Variants in SOX13 observed in about 807,000 individuals in gnomAD.
SOX13 encodes transcription factor SOX-13.
SOX13 carries 28 observed loss-of-function variants against 71.8 expected under a neutral mutation model. The ratio of observed to expected loss-of-function variants is 0.39; its 90% CI spans 0.29 to 0.53. The LOEUF is 0.53. Among genes scored for constraint, SOX13 ranks in the 20% least tolerant of loss-of-function variants. The pLI is 0.70. For synonymous variants in SOX13, 309 were observed against 317.8 expected, an observed-to-expected ratio of 0.97 and a Z score of 0.29; for missense variants, 627 against 810.3, an observed-to-expected ratio of 0.77 and a Z score of 2.75.
chr1:204,078,464 AG>A (rs1340363109), intron 1 of SOX13, among the ~76,000 whole-genome samples: 3 of 152,178 alleles, frequency 2.0e-5, no homozygotes, highest in African/African-American at 7.2e-5. Context: ...GTGTTTGAAA[AG>A]GGCTCTGTGC....
In SOX13 at chr1:204,081,182, G is replaced by A. The variant is rs1655898980; in HGVS notation, c.-2+7471G>A. On this transcript the variant is annotated intron_variant, in intron 1 of 13. Transcript: ENST00000367204. The surrounding 1 kb of genome is among the most constrained non-coding windows in gnomAD (Gnocchi z 4.3). ...CCTGCTTTGGCCTCCCGAAGTGCTG[G>A]GATTACAGGCATGAGCCACCACTCC... Among the ~76,000 whole-genome samples the A allele has an allele frequency of 6.6e-6, 1 of 152,012 alleles. No homozygotes were observed. The highest frequency in any genetic ancestry group is 1.5e-5 in the Non-Finnish European group (1 of 67,998).
Position 204,123,654 on chromosome 1 carries a change from C to G in SOX13, c.1232-7C>G. 6.2e-7 allele frequency: 1 copy of G among 1,612,096 alleles called. No homozygotes were observed. Among genetic ancestry groups the G allele is most frequent in the African/African-American group, 1.3e-5 (1 of 75,006 alleles). On this transcript the variant is annotated splice_polypyrimidine_tract_variant and splice_region_variant and intron_variant, in intron 11 of 13. Transcript: ENST00000367204. This position sits in a 1 kb window ranked among gnomAD's most constrained non-coding sequence, Gnocchi z 5.0. ...GCTGCTTGGCTGACTTCACTCCTGT[C>G]TCCCAGGCTCCCGCCACTTCCCCGA...
intron 1 of SOX13, among the ~76,000 whole-genome samples, chr1:204,089,727 G>A (rs1656102868): frequency 6.6e-6 from 1 of 152,174 alleles, no homozygotes; most frequent in African/African-American, 2.4e-5. Context: ...GGAAGAGAGG[G>A]CAGGGGCAGC....
intron 1 of SOX13, among the ~76,000 whole-genome samples, chr1:204,088,909 G>A (rs1656080748): frequency 6.6e-6 from 1 of 152,152 alleles, no homozygotes; most frequent in Non-Finnish European, 1.5e-5. Flanking sequence ...TGGCTTTTGA[G>A]CTCATGAAGG....
chr1:204,124,415 G>A (rs1656875987), intron 12 of SOX13, among the ~76,000 whole-genome samples: 3 of 152,246 alleles, frequency 2.0e-5, no homozygotes, highest in Admixed American at 1.3e-4. Flanking sequence ...ACATGGGTGG[G>A]TACTGAGTCT....
chr1:204,094,262 G>A (rs576525523), intron 1 of SOX13, among the ~76,000 whole-genome samples: 1 of 152,304 alleles, frequency 6.6e-6, no homozygotes, highest in South Asian at 2.1e-4. Flanking sequence ...TTGAGTTTGT[G>A]GCAGAGTTGA....
At chr1:204,074,262 T>G (rs1449629031) in intron 1 of SOX13, 1 of 151,922 alleles carries the variant, frequency 6.6e-6, no homozygotes, top group African/African-American at 2.4e-5. Flanking sequence ...GGTTTCAGGG[T>G]CGTTCCCCAG....
Position 204,123,596 on chromosome 1 carries a change from C to T in SOX13, c.1232-65C>T. The T allele has an allele frequency of 1.3e-6, 2 of 1,555,096 alleles. No homozygotes were observed. Among genetic ancestry groups the T allele is most frequent in the Non-Finnish European group, 1.7e-6 (2 of 1,144,212 alleles). On this transcript the variant is annotated intron_variant, in intron 11 of 13. Transcript: ENST00000367204. The surrounding 1 kb of genome is among the most constrained non-coding windows in gnomAD (Gnocchi z 5.0). ...TGGTCAAGTAGGGGACGTCTCTCTGCTGGCCCTGGGGCACTCTCCTGACCC... is the reference window on the plus strand; with the variant it reads ...TGGTCAAGTAGGGGACGTCTCTCTGTTGGCCCTGGGGCACTCTCCTGACCC...
In SOX13 at chr1:204,124,771, C is replaced by T. The variant is rs200934128; in HGVS notation, c.1506C>T (p.Ile502=). Residue 502 remains isoleucine, a synonymous_variant, in exon 13 of 14, where the codon ATC becomes ATT. Coordinates refer to ENST00000367204, the MANE Select transcript of SOX13 (RefSeq NM_005686.3). Reference sequence around the variant, plus strand: ...AGCCGCGGCCCAAGCGCACCTGCATCGTGGAGGGCAAGCGGCTGCGCGTGG... The same window carrying T: ...AGCCGCGGCCCAAGCGCACCTGCATTGTGGAGGGCAAGCGGCTGCGCGTGG... ...KYKPRPKRTC[I]VEGKRLRVGE... 3.1e-6 allele frequency: 5 copies of T among 1,605,542 alleles called. No homozygotes were observed. The highest frequency in any genetic ancestry group is 2.3e-5 in the East Asian group (1 of 44,438).
chr1:204,085,365 G>T (rs1655994803), intron 1 of SOX13, among the ~76,000 whole-genome samples: 1 of 152,194 alleles, frequency 6.6e-6, no homozygotes, highest in Non-Finnish European at 1.5e-5. Context: ...ATAGAGAAAG[G>T]ATGTAAAACT....
chr1:204,095,074 G>A (rs1656224201), intron 1 of SOX13, among the ~76,000 whole-genome samples: 1 of 152,196 alleles, frequency 6.6e-6, no homozygotes, highest in African/African-American at 2.4e-5. Context: ...TCCTCTCCAG[G>A]CGGGGAGGGC....
intron 1 of SOX13, among the ~76,000 whole-genome samples, chr1:204,100,897 G>A (rs1446395825): frequency 6.6e-6 from 1 of 152,208 alleles, no homozygotes; most frequent in Non-Finnish European, 1.5e-5. Context: ...GGAGGCCGGT[G>A]TGCCAGTCTG....
In SOX13 at chr1:204,073,482, G is replaced by A. The variant is rs976600995; in HGVS notation, c.-231G>A. 2 of 151,734 alleles carry A rather than the reference G, an allele frequency of 1.3e-5. No homozygotes were observed. The highest frequency in any genetic ancestry group is 1.5e-5 in the Non-Finnish European group (1 of 67,890). 9.4% of individuals were successfully genotyped at this position (151,734 alleles called of 1,614,324 possible). ...AACCAAGCTCGCCGCCCGGGACGGC[G>A]GGCCCCGTGGGGCGCGGACCCAGGG... On this transcript the variant is annotated 5_prime_UTR_variant, in exon 1 of 14. Coordinates refer to ENST00000367204, the MANE Select transcript of SOX13 (RefSeq NM_005686.3). The surrounding 1 kb of genome is among the most constrained non-coding windows in gnomAD (Gnocchi z 6.8).
intron 1 of SOX13, among the ~76,000 whole-genome samples, chr1:204,083,019 C>T (rs1267512690): frequency 3.3e-5 from 5 of 152,216 alleles, no homozygotes; most frequent in African/African-American, 9.6e-5. Flanking sequence ...CCCTTCTCTT[C>T]TACTGGGTTC....
In SOX13 at chr1:204,122,306, C is replaced by A; in HGVS notation, c.931C>A (p.Pro311Thr). The A allele has an allele frequency of 6.3e-7, 1 of 1,583,118 alleles. No homozygotes were observed. The change falls in exon 9 of 14, where the codon CCA becomes ACA. Residue 311 changes from proline to threonine, a missense_variant. Transcript: ENST00000367204. ...CGAGCTGCCCAACACCTCCAGCTCC[C>A]CAAGCCTGAAGATGAGCAGCTGTGT... The part of the protein sequence containing the change: ...APELPNTSSS[P>T]SLKMSSCVPR...
intron 1 of SOX13, among the ~76,000 whole-genome samples, chr1:204,105,374 C>T (rs919442046): frequency 7.3e-5 from 11 of 150,992 alleles, no homozygotes; most frequent in African/African-American, 9.8e-5. Context: ...TGCCGCTTAG[C>T]GCCCCAGCTG....
chr1:204,084,658 G>C (rs1655979278), intron 1 of SOX13, among the ~76,000 whole-genome samples: 1 of 152,128 alleles, frequency 6.6e-6, no homozygotes, highest in African/African-American at 2.4e-5. Context: ...TAGACACAAA[G>C]GGCCTCTTGT....
intron 1 of SOX13, among the ~76,000 whole-genome samples, chr1:204,078,381 C>T (rs559061941): frequency 9.9e-5 from 15 of 152,264 alleles, no homozygotes; most frequent in East Asian, 7.7e-4. Flanking sequence ...CTGACACCAC[C>T]GGAAAAAGTG....
chr1:204,098,017 C>T (rs113890971), intron 1 of SOX13, among the ~76,000 whole-genome samples: 2 of 152,148 alleles, frequency 1.3e-5, no homozygotes, highest in South Asian at 2.1e-4. Context: ...TGCCACCACA[C>T]CTGGCTAATT....
Sources: allele counts gnomAD v4.1 joint callset (sites outside exome capture counted in the v4.1 genomes callset), GRCh38; gene constraint gnomAD v4.1.1; non-coding constraint Gnocchi (gnomAD v3.1); transcripts MANE v1.5; gene names NCBI Gene and HGNC (gene_info 2026-07-23, HGNC 2026-07-21).